The following YIPF7 variants were observed in gnomAD, a reference collection of about 807,000 sequenced individuals.
The protein encoded by YIPF7 is protein YIPF7.
In YIPF7, 35 loss-of-function variants were observed where a neutral mutation model predicts 27.2. The ratio of observed to expected loss-of-function variants is 1.29; its 90% CI spans 0.98 to 1.70. The LOEUF is 1.70. Among genes scored for constraint, YIPF7 ranks in the 40% most tolerant of loss-of-function variants. The pLI, the probability that YIPF7 is intolerant of heterozygous loss-of-function variation, is 0.00. For synonymous variants in YIPF7, 137 were observed against 110.4 expected (o/e 1.24, Z -1.51); for missense variants, 358 against 303.7 (o/e 1.18, Z -1.33).
intron 2 of YIPF7, among the ~76,000 whole-genome samples, chr4:44,647,199 A>G (rs1050984022): frequency 2.0e-5 from 3 of 152,178 alleles, no homozygotes; most frequent in African/African-American, 7.2e-5. Flanking sequence ...AGCTTTCCTC[A>G]TCTGGCTACA....
At chr4:44,651,834 C>T (rs1192075917), upstream of YIPF7, among the ~76,000 whole-genome samples, 1 of 152,100 alleles carries the variant, frequency 6.6e-6, no homozygotes, top group Admixed American at 6.5e-5. Context: ...AATACAATTC[C>T]CTTTTGTACA....
At chr4:44,652,126 C>T (rs1713756735), upstream of YIPF7, among the ~76,000 whole-genome samples, 1 of 152,060 alleles carries the variant, frequency 6.6e-6, no homozygotes, top group Non-Finnish European at 1.5e-5. Context: ...CAGCAGAGGC[C>T]AAGATGGATA....
chr4:44,644,780 C>T (rs1044508297), intron 2 of YIPF7, among the ~76,000 whole-genome samples: 9 of 151,982 alleles, frequency 5.9e-5, no homozygotes, highest in Non-Finnish European at 1.2e-4. Context: ...GATCTGTGTC[C>T]CCACCCAAAT....
At chr4:44,641,723 G>A (rs1713331882) in intron 2 of YIPF7, among the ~76,000 whole-genome samples, 1 of 152,108 alleles carries the variant, frequency 6.6e-6, no homozygotes, top group Admixed American at 6.6e-5. Context: ...GGAAAAGAAA[G>A]CCACAGATAT....
At chr4:44,634,140 T>A (rs1713022601) in intron 3 of YIPF7, among the ~76,000 whole-genome samples, 1 of 152,210 alleles carries the variant, frequency 6.6e-6, no homozygotes, top group African/African-American at 2.4e-5. Flanking sequence ...CTTTAAGGCG[T>A]GTTTAAATTA....
intron 2 of YIPF7, among the ~76,000 whole-genome samples, chr4:44,643,691 G>A (rs1175791166): frequency 1.3e-5 from 2 of 152,136 alleles, no homozygotes; most frequent in Non-Finnish European, 2.9e-5. Context: ...ATAGCCTCAG[G>A]ACATTGCTCC....
At chr4:44,632,435 T>C (rs893735264) in intron 3 of YIPF7, among the ~76,000 whole-genome samples, 1 of 152,216 alleles carries the variant, frequency 6.6e-6, no homozygotes, top group African/African-American at 2.4e-5. Context: ...ATATCAGTAA[T>C]TTTTCGTATC....
intron 2 of YIPF7, among the ~76,000 whole-genome samples, chr4:44,642,740 A>T (rs757160478): frequency 6.6e-6 from 1 of 151,986 alleles, no homozygotes; most frequent in African/African-American, 2.4e-5. Flanking sequence ...AGTGTGTAGC[A>T]CTTCCCACCT....
chr4:44,633,145 A>G (rs1712981038), intron 3 of YIPF7, among the ~76,000 whole-genome samples: 1 of 152,208 alleles, frequency 6.6e-6, no homozygotes, highest in South Asian at 2.1e-4. Context: ...GAAGAGTTTC[A>G]TCTCAAAATC....
chr4:44,660,455 T>C (rs1714017644), exon 2 of YIPF7: 1 of 152,166 alleles, frequency 6.6e-6, no homozygotes, highest in South Asian at 2.1e-4. Context: ...GTACCTGAGA[T>C]TGTGATGCTG....
At chr4:44,640,715 A>T (rs937090482) in intron 2 of YIPF7, among the ~76,000 whole-genome samples, 1 of 152,122 alleles carries the variant, frequency 6.6e-6, no homozygotes, top group African/African-American at 2.4e-5. Context: ...CCTTCATGGC[A>T]ACTCTCATCC....
chr4:44,659,060 CTCCCTGTT>C (rs1240104897), intron 2 of YIPF7, among the ~76,000 whole-genome samples: 1 of 152,174 alleles, frequency 6.6e-6, no homozygotes, highest in Non-Finnish European at 1.5e-5. Flanking sequence ...TTACTGTACT[CTCCCTGTT>C]TGCCTGGGTT....
At chr4:44,645,073 G>A (rs917255432) in intron 2 of YIPF7, among the ~76,000 whole-genome samples, 3 of 152,116 alleles carry the variant, frequency 2.0e-5, no homozygotes, top group Admixed American at 1.3e-4. Flanking sequence ...TCTACAGCCT[G>A]TGGGACTATG....
At chr4:44,649,085 T>C (rs1462792681) in intron 2 of YIPF7, among the ~76,000 whole-genome samples, 2 of 152,188 alleles carry the variant, frequency 1.3e-5, no homozygotes, top group Non-Finnish European at 2.9e-5. Context: ...GAGAAAAAAC[T>C]ATGAATTTCA....
At chr4:44,660,494 G>C (rs899205087) in exon 2 of YIPF7, 1 of 152,214 alleles carries the variant, frequency 6.6e-6, no homozygotes, top group African/African-American at 2.4e-5. Context: ...ACCACATGGA[G>C]AGACTGTGAC....
rs71190269 is a variant in YIPF7 at position 44,626,763 on chromosome 4, C to CTTTTTTTTTTTTT, written c.427-1994_427-1982dup. ...CCCTATTCCATCCTCATTAGCACATCTTTTTTTTTTTTTTTTTTTTTTTTT... is the reference window on the plus strand; with the variant it reads ...CCCTATTCCATCCTCATTAGCACATCTTTTTTTTTTTTTTTTTTTTTTTTTTTTTTTTTTTTTT... On this transcript the variant is annotated intron_variant, in intron 4 of 5. Transcript: ENST00000415895. Among the ~76,000 whole-genome samples the CTTTTTTTTTTTTT allele has an allele frequency of 3.9e-3, 273 of 69,780 alleles. 69 individuals carry two copies. The highest frequency in any genetic ancestry group is 5.1e-3 in the Non-Finnish European group (208 of 41,082). The allele number at this position is 69,780 out of a possible 152,430, so 45.8% of individuals were successfully genotyped here.
chr4:44,627,566 A>C (rs577557981), intron 4 of YIPF7, among the ~76,000 whole-genome samples: 118 of 152,344 alleles, frequency 7.7e-4, no homozygotes, highest in African/African-American at 2.8e-3. Flanking sequence ...TCATACTTCA[A>C]GTAATATTCA....
chr4:44,645,696 C>T (rs1713503867), intron 2 of YIPF7, among the ~76,000 whole-genome samples: 2 of 152,074 alleles, frequency 1.3e-5, no homozygotes, highest in Admixed American at 1.3e-4. Context: ...TCAAAAGAAA[C>T]ATTGAACTCT....
upstream of YIPF7, among the ~76,000 whole-genome samples, chr4:44,656,334 A>G (rs1720990868): frequency 1.3e-5 from 2 of 152,034 alleles, no homozygotes; most frequent in Admixed American, 1.3e-4. Flanking sequence ...ATCTAATCAC[A>G]TAGATCCTTA....
Sources: allele counts gnomAD v4.1 joint callset (sites outside exome capture counted in the v4.1 genomes callset), GRCh38; gene constraint gnomAD v4.1.1; transcripts MANE v1.5; gene names NCBI Gene and HGNC (gene_info 2026-07-23, HGNC 2026-07-21).